Variants in PCDHGB5 observed in about 807,000 individuals in gnomAD.
The protein encoded by PCDHGB5 is protocadherin gamma-B5.
A neutral mutation model predicts 62.9 loss-of-function variants in PCDHGB5; 48 were observed. The ratio of observed to expected loss-of-function variants is 0.76; its 90% CI spans 0.61 to 0.97. PCDHGB5 has a LOEUF of 0.97. Among genes scored for constraint, PCDHGB5 ranks in the 50% least tolerant of loss-of-function variants. The probability of loss-of-function intolerance (pLI) is 0.00; values close to 1 mark genes in which losing one functional copy is unlikely to be tolerated. For synonymous variants in PCDHGB5, 474 were observed against 511.2 expected, an observed-to-expected ratio of 0.93 and a Z score of 0.98; for missense variants, 1,118 against 1,198.6, an observed-to-expected ratio of 0.93 and a Z score of 0.99.
rs759346998 is a variant in PCDHGB5 at position 141,410,849 on chromosome 5, C to CTTTTTTTTTTTTT, written c.2397+10335_2397+10347dup. 1.9e-3 allele frequency: 267 copies of CTTTTTTTTTTTTT among 138,158 alleles called. 27 individuals carry two copies. The highest frequency in any genetic ancestry group is 5.5e-3 in the African/African-American group (91 of 16,622). 8.6% of individuals were successfully genotyped at this position (138,158 alleles called of 1,614,324 possible). A position where few individuals can be genotyped will look rare whatever the true frequency, so the allele number is the denominator to read the frequency against. ...CAGACTGAAGATATTTTGTCTTTGT[C>CTTTTTTTTTTTTT]TTTTTTTTTTTTTTTTTTTTTTGAG... On this transcript the variant is annotated intron_variant, in intron 1 of 3. Coordinates refer to ENST00000617380, the MANE Select transcript of PCDHGB5 (RefSeq NM_018925.3).
chr5:141,476,716 C>T lies in PCDHGB5; in HGVS notation c.2398-18091C>T. On this transcript the variant is annotated intron_variant, in intron 1 of 3. Transcript: ENST00000617380. This position sits in a 1 kb window ranked among gnomAD's most constrained non-coding sequence, Gnocchi z 7.6. ...AGTACGCGGAGCTGGTGTTGGAGCG[C>T]GCCCTGGACCGAGAACGGGAGCCTA... 15 of 1,614,148 alleles carry T rather than the reference C, an allele frequency of 9.3e-6. No homozygotes were observed. The highest frequency in any genetic ancestry group is 1.3e-5 in the Non-Finnish European group (15 of 1,180,036).
chr5:141,491,168 A>G lies in PCDHGB5; in HGVS notation c.2398-3639A>G. On this transcript the variant is annotated intron_variant, in intron 1 of 3. Coordinates refer to ENST00000617380, the MANE Select transcript of PCDHGB5 (RefSeq NM_018925.3). The surrounding 1 kb of genome is among the most constrained non-coding windows in gnomAD (Gnocchi z 6.9). Reference sequence around the variant, plus strand: ...CTGGAGGATGACTCTGACACCCAGCAGGTGGTGGTCCTGGTGAGGGACAAT... The same window carrying G: ...CTGGAGGATGACTCTGACACCCAGCGGGTGGTGGTCCTGGTGAGGGACAAT... 2 of 1,614,160 alleles carry G rather than the reference A, an allele frequency of 1.2e-6. No homozygotes were observed.
At chr5:141,402,272 G>A (rs934353221) in intron 1 of PCDHGB5, among the ~76,000 whole-genome samples, 7 of 151,874 alleles carry the variant, frequency 4.6e-5, no homozygotes, top group African/African-American at 1.2e-4. Context: ...TAATTTCAAA[G>A]TGGATAATCT....
At chr5:141,478,051 G>A (rs751371411) in intron 1 of PCDHGB5, 2 of 1,614,088 alleles carry the variant, frequency 1.2e-6, no homozygotes, top group East Asian at 2.2e-5. Context: ...AGACTCTCAC[G>A]GTCTTGATCA....
chr5:141,422,479 A>G, intron 1 of PCDHGB5: 1 of 1,613,890 alleles, frequency 6.2e-7, no homozygotes, highest in Non-Finnish European at 8.5e-7. Flanking sequence ...GTTGGTCCAG[A>G]GCTACAATAT....
In PCDHGB5 at chr5:141,500,527, A is replaced by C. The variant is rs937551961; in HGVS notation, c.2457-4866A>C. On this transcript the variant is annotated intron_variant, in intron 2 of 3. Transcript: ENST00000617380. ...CCTGGCCGAGCTTCATTTTAAAAAA[A>C]TCTCATTCACCTAAATAAGTTGTTC... is the stretch of plus-strand genomic sequence containing the variant. 5.9e-5 allele frequency among the ~76,000 whole-genome samples: 9 copies of C among 152,298 alleles called. No individual in the cohort carries two copies. The South Asian group carries it at 6.2e-4, about 11-fold the overall frequency.
intron 1 of PCDHGB5, among the ~76,000 whole-genome samples, chr5:141,401,018 G>C (rs2094104038): frequency 6.6e-6 from 1 of 152,108 alleles, no homozygotes; most frequent in Admixed American, 6.5e-5. Flanking sequence ...ATGGATTTAT[G>C]ATTTTTTGAA....
intron 1 of PCDHGB5, among the ~76,000 whole-genome samples, chr5:141,468,914 G>A (rs563780068): frequency 2.6e-5 from 4 of 151,700 alleles, no homozygotes; most frequent in Admixed American, 2.6e-4. Context: ...CAGACTAGAA[G>A]AGAATAGCAC....
intron 1 of PCDHGB5, chr5:141,404,993 C>G (rs1159647700): frequency 6.2e-7 from 1 of 1,613,850 alleles, no homozygotes; most frequent in Non-Finnish European, 8.5e-7. Flanking sequence ...TCTTCAGATC[C>G]CTGCAGACCT....
intron 1 of PCDHGB5, among the ~76,000 whole-genome samples, chr5:141,457,459 C>G (rs749463185): frequency 1.6e-4 from 24 of 152,166 alleles, no homozygotes; most frequent in Non-Finnish European, 3.4e-4. Context: ...CCACTTGATT[C>G]ACAGGAATAA....
In PCDHGB5 at chr5:141,399,744, C is replaced by G. The variant is rs544697703; in HGVS notation, c.1617C>G (p.Ser539Arg). The change falls in exon 1 of 4, where the codon AGC becomes AGG. Residue 539 changes from serine to arginine, a missense_variant. Physicochemically the swap from Ser to Arg is moderately radical, Grantham distance 110. Around this residue, in one of 2 missense-constraint regions of PCDHGB5, gnomAD observed 1,034 missense variants for 1,029.1 expected, o/e 1.00. Transcript: ENST00000617380. ...QARDQGSPAL[S>R]ANVSLRVLVG... ...GCGACCAGGGCTCGCCTGCGCTCAG[C>G]GCAAACGTGAGCCTGCGCGTGTTGG... 1 of 1,613,320 alleles carries G rather than the reference C, an allele frequency of 6.2e-7. No homozygotes were observed. Among genetic ancestry groups the G allele is most frequent in the African/African-American group, 1.3e-5 (1 of 75,058 alleles).
At chr5:141,474,756 T>C (rs2099354156) in intron 1 of PCDHGB5, among the ~76,000 whole-genome samples, 1 of 152,244 alleles carries the variant, frequency 6.6e-6, no homozygotes, top group Non-Finnish European at 1.5e-5. Flanking sequence ...AAGACAAATA[T>C]ACAGAAATAG....
intron 1 of PCDHGB5, chr5:141,418,790 G>A (rs1434374059): frequency 2.5e-6 from 4 of 1,613,758 alleles, no homozygotes; most frequent in Admixed American, 3.3e-5. Flanking sequence ...GGATTTTGAA[G>A]AAGTAGAAAG....
At chr5:141,426,427 G>A in intron 1 of PCDHGB5, 2 of 293,710 alleles carry the variant, frequency 6.8e-6, no homozygotes, top group Non-Finnish European at 1.3e-5. Context: ...CTCCGTGGTG[G>A]GGAACCTTGC....
chr5:141,431,974 CA>C lies in PCDHGB5; in HGVS notation c.2397+31451del, dbSNP rs1419355804. The C allele has an allele frequency of 1.2e-6, 2 of 1,614,174 alleles. No individual in the cohort carries two copies. The highest frequency in any genetic ancestry group is 1.3e-5 in the African/African-American group (1 of 75,058). On this transcript the variant is annotated intron_variant, in intron 1 of 3. Transcript: ENST00000617380. This position sits in a 1 kb window ranked among gnomAD's most constrained non-coding sequence, Gnocchi z 4.8. ...CTTACGGAAATTACTATAGTTTAGT[CA>C]CAGACATAGTCTTGGATAGGGAACA... is the stretch of plus-strand genomic sequence containing the variant.
At chr5:141,510,677 A>G (rs2099882239) in intron 3 of PCDHGB5, among the ~76,000 whole-genome samples, 2 of 152,212 alleles carry the variant, frequency 1.3e-5, no homozygotes, top group African/African-American at 4.8e-5. Context: ...CTGAAGTGGC[A>G]TAAGGAGGTT....
At chr5:141,483,501 G>C (rs1022338958) in intron 1 of PCDHGB5, among the ~76,000 whole-genome samples, 2 of 150,394 alleles carry the variant, frequency 1.3e-5, no homozygotes, top group African/African-American at 4.9e-5. Context: ...ATGAGTCAAG[G>C]CTGATCCCCC....
intron 1 of PCDHGB5, among the ~76,000 whole-genome samples, chr5:141,464,794 A>C (rs2154568597): frequency 6.6e-6 from 1 of 152,128 alleles, no homozygotes; most frequent in East Asian, 1.9e-4. Flanking sequence ...GCCAAATTGC[A>C]GTGATGCAGT....
rs1347978078 is a variant in PCDHGB5, at chr5:141,486,800, C to G, written c.2398-8007C>G. ...GGTGCAGGCCCGGGATCGGGGCAAC[C>G]CACCCCTTAGCAGCACTGTAACAGT... On this transcript the variant is annotated intron_variant, in intron 1 of 3. Coordinates refer to ENST00000617380, the MANE Select transcript of PCDHGB5 (RefSeq NM_018925.3). The surrounding 1 kb of genome is among the most constrained non-coding windows in gnomAD (Gnocchi z 5.0). 1.9e-6 allele frequency: 3 copies of G among 1,614,104 alleles called. No individual in the cohort carries two copies. In the Admixed American group the frequency reaches 5.0e-5, roughly 27 times the overall value.
Sources: gnomAD v4.1 joint callset for allele counts (sites outside exome capture counted in the v4.1 genomes callset) on GRCh38, gnomAD v4.1.1 for gene constraint, gnomAD v4.1.1 regional missense constraint, Gnocchi (gnomAD v3.1) non-coding constraint, MANE v1.5 for transcripts, NCBI Gene and HGNC (gene_info 2026-07-23, HGNC 2026-07-21) for gene names.